The following MPDZ variants were observed in gnomAD, a reference collection of about 807,000 sequenced individuals.
MPDZ encodes the protein multiple PDZ domain crumbs cell polarity complex component.
MPDZ carries 234 observed loss-of-function variants against 239.1 expected under a neutral mutation model. That is an observed-to-expected ratio of 0.98 (90% CI 0.88 to 1.09). The LOEUF (loss-of-function observed/expected upper bound fraction) is 1.09. Among genes scored for constraint, MPDZ ranks in the 50% least tolerant of loss-of-function variants. The probability of loss-of-function intolerance (pLI) is 0.00; values close to 1 mark genes in which losing one functional copy is unlikely to be tolerated. For synonymous variants in MPDZ, 1,048 were observed against 881.3 expected (o/e 1.19, Z -3.35); for missense variants, 3,175 against 2,510.0 (o/e 1.26, Z -5.66).
chr9:13,168,551 AC>A lies in MPDZ; in HGVS notation c.3068del (p.Ser1023MetfsTer9), dbSNP rs750233211. The A allele has an allele frequency of 6.3e-7, 1 of 1,587,754 alleles. No homozygotes were observed. The highest frequency in any genetic ancestry group is 2.3e-5 in the East Asian group (1 of 43,366). On this transcript the variant is annotated frameshift_variant, in exon 22 of 47. Coordinates refer to ENST00000319217, the MANE Select transcript of MPDZ (RefSeq NM_001378778.1). LOFTEE classifies it high-confidence loss of function. ...KGNSSLGMTV[S>X]ANKDGLGMIV... ...TCATCCCCAAGCCATCTTTATTAGC[AC>A]TAACTGTCATTCCTACAGGAAAAGA...
chr9:13,200,812 A>G (rs1422064632), intron 12 of MPDZ, among the ~76,000 whole-genome samples: 2 of 152,020 alleles, frequency 1.3e-5, no homozygotes, highest in Non-Finnish European at 2.9e-5. Context: ...ATTTATAAAG[A>G]CTTGTTTTGT....
intron 10 of MPDZ, among the ~76,000 whole-genome samples, chr9:13,216,493 T>C (rs1201662156): frequency 6.6e-6 from 1 of 151,530 alleles, no homozygotes; most frequent in African/African-American, 2.4e-5. Flanking sequence ...ATAAGTGTAA[T>C]ATTAATGTAA....
intron 22 of MPDZ, chr9:13,165,362 C>T (rs540822119): frequency 1.5e-5 from 24 of 1,549,520 alleles, no homozygotes; most frequent in African/African-American, 4.1e-5. Flanking sequence ...ATCACTGATA[C>T]TCACACATAA....
chr9:13,166,031 T>A (rs948551258), intron 22 of MPDZ, among the ~76,000 whole-genome samples: 1 of 152,050 alleles, frequency 6.6e-6, no homozygotes, highest in African/African-American at 2.4e-5. Flanking sequence ...CTAAAACCAA[T>A]CAGTTATGTA....
At chr9:13,261,701 A>C (rs565379135) in intron 1 of MPDZ, among the ~76,000 whole-genome samples, 1 of 152,194 alleles carries the variant, frequency 6.6e-6, no homozygotes, top group South Asian at 2.1e-4. Context: ...GAAAAGCCAT[A>C]AGCTGCCACC....
intron 8 of MPDZ, among the ~76,000 whole-genome samples, chr9:13,219,042 G>A (rs1958719267): frequency 6.6e-6 from 1 of 151,842 alleles, no homozygotes; most frequent in Non-Finnish European, 1.5e-5. Flanking sequence ...TCTGATAACA[G>A]TTCTAAGACA....
At position 13,119,501 on chromosome 9, in the gene MPDZ, C is replaced by T. The variant is rs990442354; in HGVS notation, c.5379+1G>A. ...ACAGAATTATTTTTTGCATTTTTTA[C>T]CTTTAGCAAAGCGGCAACCGCTTCT... On this transcript the variant is annotated splice_donor_variant, in intron 39 of 46. Transcript: ENST00000319217. LOFTEE classifies it high-confidence loss of function. 2 of 1,606,788 alleles carry T rather than the reference C, an allele frequency of 1.2e-6. No individual in the cohort carries two copies. Among genetic ancestry groups the T allele is most frequent in the Non-Finnish European group, 1.7e-6 (2 of 1,177,160 alleles).
chr9:13,239,934 C>G (rs1964973688), intron 3 of MPDZ, among the ~76,000 whole-genome samples: 1 of 151,946 alleles, frequency 6.6e-6, no homozygotes, highest in Non-Finnish European at 1.5e-5. Flanking sequence ...TCTGTGTTTT[C>G]TTAGCTAAAT....
intron 10 of MPDZ, among the ~76,000 whole-genome samples, chr9:13,210,756 A>G (rs919620302): frequency 2.0e-5 from 3 of 152,118 alleles, no homozygotes; most frequent in African/African-American, 4.8e-5. Flanking sequence ...CTGCTGAGAA[A>G]TCAGGGGCCA....
At chr9:13,206,537 C>A (rs529620095) in intron 10 of MPDZ, among the ~76,000 whole-genome samples, 2 of 151,864 alleles carry the variant, frequency 1.3e-5, no homozygotes, top group African/African-American at 4.8e-5. Flanking sequence ...CACATGCACA[C>A]ACCACCACAC....
At chr9:13,169,890 C>T (rs1441718349) in intron 21 of MPDZ, among the ~76,000 whole-genome samples, 2 of 152,188 alleles carry the variant, frequency 1.3e-5, no homozygotes, top group African/African-American at 4.8e-5. Flanking sequence ...CTTCTTTCTG[C>T]AGCTCTTGCA....
intron 12 of MPDZ, among the ~76,000 whole-genome samples, chr9:13,203,287 CCTAT>C (rs1438188247): frequency 2.6e-5 from 4 of 152,240 alleles, no homozygotes; most frequent in African/African-American, 7.2e-5. Context: ...AGTTCAGAGT[CCTAT>C]CTCTTTCCAC....
At chr9:13,120,018 G>A in intron 38 of MPDZ, 1 of 208,914 alleles carries the variant, frequency 4.8e-6, no homozygotes, top group South Asian at 7.8e-5. Flanking sequence ...AAATCAGAAT[G>A]GAGCTTTGAA....
At chr9:13,199,144 A>T (rs890202875) in intron 12 of MPDZ, among the ~76,000 whole-genome samples, 36 of 152,186 alleles carry the variant, frequency 2.4e-4, no homozygotes, top group African/African-American at 8.2e-4. Flanking sequence ...GTCCATGATC[A>T]TAGAATATCT....
chr9:13,211,625 A>G (rs981010492), intron 10 of MPDZ, among the ~76,000 whole-genome samples: 2 of 152,232 alleles, frequency 1.3e-5, no homozygotes, highest in African/African-American at 2.4e-5. Flanking sequence ...CATGTCCTTA[A>G]AAGAAATATA....
In MPDZ at chr9:13,108,225, T is replaced by C. The variant is rs560756075; in HGVS notation, c.6066+711A>G. Among the ~76,000 whole-genome samples, 9 of 152,278 alleles carry C rather than the reference T, an allele frequency of 5.9e-5. No homozygotes were observed. The East Asian group carries it at 1.7e-3, about 29-fold the overall frequency. On this transcript the variant is annotated intron_variant, in intron 46 of 46. Coordinates refer to ENST00000319217, the MANE Select transcript of MPDZ (RefSeq NM_001378778.1). Reference sequence around the variant, plus strand: ...TCCCTGCAGAAAATCTTGTCGAATTTTGTAGCCCCTGAAAAACGACTTAAC... The same window carrying C: ...TCCCTGCAGAAAATCTTGTCGAATTCTGTAGCCCCTGAAAAACGACTTAAC...
chr9:13,277,792 T>C (rs957292528), intron 1 of MPDZ, among the ~76,000 whole-genome samples: 1 of 152,174 alleles, frequency 6.6e-6, no homozygotes, highest in Non-Finnish European at 1.5e-5. Context: ...CTTGAACTCC[T>C]GACCTTAAGT....
chr9:13,111,742 TTC>T (rs1383715517), intron 43 of MPDZ, among the ~76,000 whole-genome samples: 10 of 152,188 alleles, frequency 6.6e-5, no homozygotes, highest in South Asian at 4.1e-4. Flanking sequence ...TGAAAATACT[TTC>T]TGTTCTCTTT....
intron 8 of MPDZ, among the ~76,000 whole-genome samples, chr9:13,218,354 C>T (rs1958632749): frequency 1.3e-5 from 2 of 151,714 alleles, no homozygotes; most frequent in East Asian, 1.9e-4. Flanking sequence ...ATTTGACTAT[C>T]GAATGGTTTT....
Sources: allele counts gnomAD v4.1 joint callset (sites outside exome capture counted in the v4.1 genomes callset), GRCh38; gene constraint gnomAD v4.1.1; transcripts MANE v1.5; gene names NCBI Gene and HGNC (gene_info 2026-07-23, HGNC 2026-07-21).